TEAD1: variants seen among roughly 807,000 people sequenced by gnomAD.
TEAD1 encodes transcriptional enhancer factor TEF-1.
In TEAD1, 9 loss-of-function variants were observed where a neutral mutation model predicts 54.9. That is an observed-to-expected ratio of 0.16 (90% CI 0.10 to 0.29). The LOEUF (loss-of-function observed/expected upper bound fraction) is 0.29, where lower values mean the gene tolerates loss of function less well. TEAD1 is among the 10% of genes least tolerant of loss of function. The probability of loss-of-function intolerance (pLI) is 1.00; values close to 1 mark genes in which losing one functional copy is unlikely to be tolerated. For synonymous variants in TEAD1, 200 were observed against 187.8 expected (o/e 1.07, Z -0.53); for missense variants, 387 against 535.9 (o/e 0.72, Z 2.74).
intron 2 of TEAD1, among the ~76,000 whole-genome samples, chr11:12,719,947 A>ATTTTT (rs1564917562): frequency 1.7e-5 from 1 of 59,798 alleles, no homozygotes; most frequent in Non-Finnish European, 3.9e-5. Context: ...TGGAAATCTA[A>ATTTTT]TGTTTTTTTT....
At chr11:12,868,179 A>C (rs1028754871) in intron 5 of TEAD1, among the ~76,000 whole-genome samples, 34 of 152,170 alleles carry the variant, frequency 2.2e-4, no homozygotes, top group African/African-American at 8.2e-4. Context: ...TTTCCAGGGA[A>C]GGGTGTGGCA....
At chr11:12,824,062 C>A (rs1946603384) in intron 3 of TEAD1, among the ~76,000 whole-genome samples, 1 of 152,140 alleles carries the variant, frequency 6.6e-6, no homozygotes, top group Non-Finnish European at 1.5e-5. Flanking sequence ...CTAGTTCTGT[C>A]TGCATTTCCA....
chr11:12,901,852 A>G lies in TEAD1; in HGVS notation c.700-88A>G, dbSNP rs192500337. ...GAAGGCCTAATTCCAGAATTTTGGT[A>G]CTACTGCTCTTTATCCAGTTCAAGA... On this transcript the variant is annotated intron_variant, in intron 9 of 12. Coordinates refer to ENST00000527636, the MANE Select transcript of TEAD1 (RefSeq NM_021961.6). 3.6e-5 allele frequency: 55 copies of G among 1,535,944 alleles called. No individual in the cohort carries two copies. The Admixed American group carries it at 6.5e-4, about 18-fold the overall frequency.
Position 12,764,453 on chromosome 11 carries a change from T to C in TEAD1, c.202+19T>C. 1 of 1,613,558 alleles carries C rather than the reference T, an allele frequency of 6.2e-7. No homozygotes were observed. ...ATGTATGGTAAGTGGCCTGGAACAC[T>C]CCTTTGAAATACTACAACCTGCAGT... is the stretch of plus-strand genomic sequence containing the variant. On this transcript the variant is annotated intron_variant, in intron 3 of 12. Transcript: ENST00000527636.
In TEAD1 at chr11:12,816,024, T is replaced by G. The variant is rs1262722650; in HGVS notation, c.203-46226T>G. 2.0e-5 allele frequency among the ~76,000 whole-genome samples: 3 copies of G among 152,312 alleles called. No homozygotes were observed. The East Asian group carries it at 5.8e-4, about 29-fold the overall frequency. On this transcript the variant is annotated intron_variant, in intron 3 of 12. Coordinates refer to ENST00000527636, the MANE Select transcript of TEAD1 (RefSeq NM_021961.6). ...TTTTAGGTTTTCAGAAGACTGAGAATTCTTAGGAACCTAGACAGGGCCTCT... is the reference window on the plus strand; with the variant it reads ...TTTTAGGTTTTCAGAAGACTGAGAAGTCTTAGGAACCTAGACAGGGCCTCT...
Position 12,699,475 on chromosome 11 carries a change from A to G in TEAD1, c.-55+23914A>G, listed in dbSNP as rs1313072543. Among the ~76,000 whole-genome samples, 3 of 152,214 alleles carry G rather than the reference A, an allele frequency of 2.0e-5. No individual in the cohort carries two copies. In the East Asian group the frequency reaches 5.8e-4, roughly 29 times the overall value. ...GTTTTACCTTTTCTAAATTATATAC[A>G]CCAATAGTACTTCAGAGCATTTTTC... On this transcript the variant is annotated intron_variant, in intron 2 of 12. Coordinates refer to ENST00000527636, the MANE Select transcript of TEAD1 (RefSeq NM_021961.6).
At chr11:12,681,575 G>A (rs1324709745) in intron 2 of TEAD1, among the ~76,000 whole-genome samples, 1 of 152,216 alleles carries the variant, frequency 6.6e-6, no homozygotes, top group Non-Finnish European at 1.5e-5. Context: ...TGATGGATTG[G>A]TAGGGGAACT....
chr11:12,878,781 A>G (rs1242039179), intron 5 of TEAD1: 2 of 596,026 alleles, frequency 3.4e-6, no homozygotes, highest in African/African-American at 2.0e-5. Flanking sequence ...GTGTACATAT[A>G]TACATATGTA....
intron 3 of TEAD1, among the ~76,000 whole-genome samples, chr11:12,781,656 AAAC>A (rs1374437225): frequency 6.6e-6 from 1 of 150,924 alleles, no homozygotes; most frequent in East Asian, 1.9e-4. Context: ...AAAAAAAAAA[AAAC>A]AGACAATAAC....
At chr11:12,901,702 A>T (rs1948428954) in intron 9 of TEAD1, among the ~76,000 whole-genome samples, 1 of 152,228 alleles carries the variant, frequency 6.6e-6, no homozygotes, top group Non-Finnish European at 1.5e-5. Flanking sequence ...TCCGCAAAAA[A>T]GCCTTTTTTA....
chr11:12,757,771 T>G lies in TEAD1; in HGVS notation c.-54-6408T>G, dbSNP rs376275038. Reference sequence around the variant, plus strand: ...TTTTCTGGTTGTTGGTTCATTCTTTTTTTATTTTTTATTTATTAATTTTTT... The same window carrying G: ...TTTTCTGGTTGTTGGTTCATTCTTTGTTTATTTTTTATTTATTAATTTTTT... On this transcript the variant is annotated intron_variant, in intron 2 of 12. Coordinates refer to ENST00000527636, the MANE Select transcript of TEAD1 (RefSeq NM_021961.6). Among the ~76,000 whole-genome samples, 12 of 152,250 alleles carry G rather than the reference T, an allele frequency of 7.9e-5. No homozygotes were observed. The East Asian group carries it at 2.3e-3, about 29-fold the overall frequency.
chr11:12,819,788 C>T (rs1435521200), intron 3 of TEAD1, among the ~76,000 whole-genome samples: 4 of 152,162 alleles, frequency 2.6e-5, no homozygotes, highest in Admixed American at 6.5e-5. Context: ...TTCTGTAATA[C>T]GTTGGCCAGT....
intron 2 of TEAD1, among the ~76,000 whole-genome samples, chr11:12,758,478 T>TG (rs1945033097): frequency 6.8e-6 from 1 of 146,276 alleles, no homozygotes; most frequent in Non-Finnish European, 1.5e-5. Flanking sequence ...TGGCGCAATC[T>TG]CAGCTTACTG....
At chr11:12,802,724 T>C (rs1946085576) in intron 3 of TEAD1, among the ~76,000 whole-genome samples, 1 of 152,170 alleles carries the variant, frequency 6.6e-6, no homozygotes, top group Non-Finnish European at 1.5e-5. Flanking sequence ...TCTCAGGTAT[T>C]CCAGATATGA....
chr11:12,849,471 A>G (rs1947224168), intron 3 of TEAD1: 2 of 152,078 alleles, frequency 1.3e-5, no homozygotes, highest in Non-Finnish European at 2.9e-5. Flanking sequence ...CCTTCTCATC[A>G]TGCTTTTCAT....
chr11:12,892,702 T>A (rs77645893), intron 9 of TEAD1, among the ~76,000 whole-genome samples: 70 of 152,234 alleles, frequency 4.6e-4, no homozygotes, highest in African/African-American at 1.7e-3. Flanking sequence ...TAATTCCCGA[T>A]TGCCAGGAGG....
intron 3 of TEAD1, among the ~76,000 whole-genome samples, chr11:12,832,321 C>T (rs1042367316): frequency 6.6e-6 from 1 of 152,192 alleles, no homozygotes; most frequent in Non-Finnish European, 1.5e-5. Context: ...AAGCATTCAA[C>T]AAGGGTTATA....
At chr11:12,719,652 C>A (rs1944141825) in intron 2 of TEAD1, among the ~76,000 whole-genome samples, 1 of 152,004 alleles carries the variant, frequency 6.6e-6, no homozygotes, top group Non-Finnish European at 1.5e-5. Flanking sequence ...AAAAAGACAA[C>A]CAAGGCTGAG....
intron 3 of TEAD1, among the ~76,000 whole-genome samples, chr11:12,772,941 C>T (rs1288924382): frequency 6.6e-6 from 1 of 152,174 alleles, no homozygotes; most frequent in African/African-American, 2.4e-5. Context: ...CCGGGTTGCC[C>T]TTCTCCCTAA....
Sources: gnomAD v4.1 joint callset for allele counts (sites outside exome capture counted in the v4.1 genomes callset) on GRCh38, gnomAD v4.1.1 for gene constraint, MANE v1.5 for transcripts, NCBI Gene and HGNC (gene_info 2026-07-23, HGNC 2026-07-21) for gene names.